Variants in JAKMIP3 observed in about 807,000 individuals in gnomAD.
JAKMIP3 encodes janus kinase and microtubule-interacting protein 3.
JAKMIP3 carries 58 observed loss-of-function variants against 118.5 expected under a neutral mutation model. The ratio of observed to expected loss-of-function variants is 0.49; its 90% CI spans 0.40 to 0.61. The LOEUF is 0.61. Among genes scored for constraint, JAKMIP3 ranks in the 20% least tolerant of loss-of-function variants. The pLI, the probability that JAKMIP3 is intolerant of heterozygous loss-of-function variation, is 0.00. For synonymous variants in JAKMIP3, 486 were observed against 451.2 expected (o/e 1.08, Z -0.98); for missense variants, 950 against 1,109.0 (o/e 0.86, Z 2.04).
At chr10:132,048,430 T>A (rs750528690) in intron 1 of JAKMIP3, among the ~76,000 whole-genome samples, 11 of 152,164 alleles carry the variant, frequency 7.2e-5, no homozygotes, top group Non-Finnish European at 1.6e-4. Flanking sequence ...TCCCCATTTG[T>A]CTGTTTGTTT....
At chr10:132,120,934 C>G (rs1013922675) in intron 3 of JAKMIP3, among the ~76,000 whole-genome samples, 6 of 152,206 alleles carry the variant, frequency 3.9e-5, no homozygotes, top group South Asian at 2.1e-4. Context: ...TGTGGCCGCT[C>G]GAGCTGCGGG....
At chr10:132,101,556 C>T (rs1451896851) in intron 1 of JAKMIP3, among the ~76,000 whole-genome samples, 1 of 152,152 alleles carries the variant, frequency 6.6e-6, no homozygotes, top group East Asian at 1.9e-4. Context: ...GTCTCGGCAG[C>T]CAGATTTTAT....
intron 2 of JAKMIP3, among the ~76,000 whole-genome samples, chr10:132,105,713 G>A (rs1330495416): frequency 6.6e-6 from 1 of 152,232 alleles, no homozygotes; most frequent in Non-Finnish European, 1.5e-5. Flanking sequence ...GGAAGGAGAA[G>A]GCGAGGGAGA....
At chr10:132,066,359 A>G (rs1407386756) in intron 1 of JAKMIP3, among the ~76,000 whole-genome samples, 1 of 152,110 alleles carries the variant, frequency 6.6e-6, no homozygotes. Flanking sequence ...CCATATGTAA[A>G]GCGGATGCTT....
At chr10:132,157,115 A>G (rs1466792894) in intron 19 of JAKMIP3, among the ~76,000 whole-genome samples, 1 of 152,132 alleles carries the variant, frequency 6.6e-6, no homozygotes, top group African/African-American at 2.4e-5. Flanking sequence ...ATGGTAGGAA[A>G]TGTTCACAGT....
intron 4 of JAKMIP3, 78 bp downstream of exon 4, chr10:132,133,605 G>A (rs2051097239): frequency 3.7e-6 from 5 of 1,349,568 alleles, no homozygotes; most frequent in African/African-American, 1.4e-5. Context: ...CCCTGCATGG[G>A]CCACTCCCCC....
At chr10:132,167,167 G>T in intron 22 of JAKMIP3, 112 bp downstream of exon 22, 1 of 758,850 alleles carries the variant, frequency 1.3e-6, no homozygotes, top group South Asian at 1.7e-5. Flanking sequence ...CAACTGGAAG[G>T]CGATGACCCA....
intron 1 of JAKMIP3, among the ~76,000 whole-genome samples, chr10:132,068,419 C>T (rs1033298646): frequency 6.6e-6 from 1 of 152,188 alleles, no homozygotes; most frequent in Non-Finnish European, 1.5e-5. Context: ...GGACACTAGC[C>T]ACTGAGATGA....
chr10:132,148,470 GCCCGTCCTCCATCCA>G (rs747575138), intron 14 of JAKMIP3, among the ~76,000 whole-genome samples: 4 of 96,100 alleles, frequency 4.2e-5, no homozygotes, highest in African/African-American at 6.5e-5. Flanking sequence ...TCCTCCATCC[GCCCGTCCTCCATCCA>G]CCCCCAAGGA....
intron 1 of JAKMIP3, among the ~76,000 whole-genome samples, chr10:132,046,052 C>T (rs1029509930): frequency 6.6e-6 from 1 of 152,152 alleles, no homozygotes; most frequent in African/African-American, 2.4e-5. Flanking sequence ...TAACCCACAC[C>T]CGGCAGATAT....
At chr10:132,140,277 A>G (rs1391217777) in intron 9 of JAKMIP3, among the ~76,000 whole-genome samples, 174 bp from the exon 10 acceptor site, 3 of 145,682 alleles carry the variant, frequency 2.1e-5, no homozygotes, top group African/African-American at 7.5e-5. Context: ...CAGCCTTGCC[A>G]TAGAGCGCCC....
At chr10:132,061,763 G>A (rs540954649), upstream of JAKMIP3, among the ~76,000 whole-genome samples, 18 of 152,240 alleles carry the variant, frequency 1.2e-4, no homozygotes, top group Non-Finnish European at 2.5e-4. Flanking sequence ...AGACCTCTAG[G>A]AGGAAACCTG....
rs2048080938 is a variant in JAKMIP3, at chr10:132,118,571, G to A, written c.633+997G>A. On this transcript the variant is annotated intron_variant, in intron 3 of 23. Transcript: ENST00000684848. The surrounding 1 kb of genome is among the most constrained non-coding windows in gnomAD (Gnocchi z 4.8). ...TGGCCTCCAGGCTGGGCCAGCATGT[G>A]GAACTCCCAGAGAGGGGCAGCCGCT... Among the ~76,000 whole-genome samples the A allele has an allele frequency of 6.6e-6, 1 of 152,208 alleles. No homozygotes were observed. The highest frequency in any genetic ancestry group is 2.1e-4 in the South Asian group (1 of 4,828).
intron 1 of JAKMIP3, among the ~76,000 whole-genome samples, chr10:132,039,233 G>T (rs1212987037): frequency 1.3e-5 from 2 of 152,170 alleles, no homozygotes; most frequent in African/African-American, 4.8e-5. Context: ...TGATCCTCCT[G>T]CCTTGGTCTC....
chr10:132,130,475 C>G (rs1440979408), intron 3 of JAKMIP3, among the ~76,000 whole-genome samples: 2 of 152,198 alleles, frequency 1.3e-5, no homozygotes, highest in African/African-American at 2.4e-5. Context: ...GGAGGGAGGG[C>G]CCCCCTGAGG....
At chr10:132,151,973 C>T (rs756505402) in intron 16 of JAKMIP3, among the ~76,000 whole-genome samples, 7 of 152,230 alleles carry the variant, frequency 4.6e-5, no homozygotes, top group Non-Finnish European at 1.0e-4. Context: ...GGTTTAATCA[C>T]ATCTGGGTAG....
rs1478237237 is a variant in JAKMIP3, at chr10:132,180,678, CGCGCGTGT to C, written c.*1104-1677_*1104-1670del. ...GTGTGCGTGTGTGCGTGTGTGTGCG[CGCGCGTGT>C]GTGTGCGTGCGTGTGTGTGTGCGCG... On this transcript the variant is annotated intron_variant, in intron 23 of 23. Transcript: ENST00000684848. Among the ~76,000 whole-genome samples the C allele has an allele frequency of 9.4e-4, 9 of 9,562 alleles. 2 individuals are homozygous for C. The South Asian group carries it at 0.015, about 16-fold the overall frequency. 6.3% of individuals were successfully genotyped at this position (9,562 alleles called of 152,430 possible). A position where few individuals can be genotyped will look rare whatever the true frequency, so the allele number is the denominator to read the frequency against.
chr10:132,150,366 G>A (rs993717785), intron 16 of JAKMIP3, among the ~76,000 whole-genome samples: 1 of 152,172 alleles, frequency 6.6e-6, no homozygotes, highest in African/African-American at 2.4e-5. Context: ...AAGACCCTTA[G>A]GGGTTCCACT....
intron 1 of JAKMIP3, among the ~76,000 whole-genome samples, chr10:132,076,273 T>C (rs2040772547): frequency 6.6e-6 from 1 of 152,264 alleles, no homozygotes; most frequent in Non-Finnish European, 1.5e-5. Context: ...TGGCCTTTTG[T>C]GTCTGGCTGC....
Sources: gnomAD v4.1 joint callset for allele counts (sites outside exome capture counted in the v4.1 genomes callset) on GRCh38, gnomAD v4.1.1 for gene constraint, Gnocchi (gnomAD v3.1) non-coding constraint, MANE v1.5 for transcripts, NCBI Gene and HGNC (gene_info 2026-07-23, HGNC 2026-07-21) for gene names.